The following SYN3 variants were observed in gnomAD, a reference collection of about 807,000 sequenced individuals.
SYN3 encodes synapsin-3.
SYN3 carries 35 observed loss-of-function variants against 65.8 expected under a neutral mutation model. That is an observed-to-expected ratio of 0.53 (90% CI 0.41 to 0.70). The LOEUF (loss-of-function observed/expected upper bound fraction) is 0.70. Among genes scored for constraint, SYN3 ranks in the 30% least tolerant of loss-of-function variants. The probability of loss-of-function intolerance (pLI) is 0.00; values close to 1 mark genes in which losing one functional copy is unlikely to be tolerated. For synonymous variants in SYN3, 270 were observed against 292.9 expected, an observed-to-expected ratio of 0.92 and a Z score of 0.80; for missense variants, 680 against 749.0, an observed-to-expected ratio of 0.91 and a Z score of 1.08.
chr22:32,528,794 T>C, intron 11 of SYN3, 80 bp downstream of exon 11: 1 of 1,581,378 alleles, frequency 6.3e-7, no homozygotes. Flanking sequence ...GTATCCCCTT[T>C]GGATCCAGGG....
At chr22:32,818,619 C>T (rs1050117581) in intron 6 of SYN3, among the ~76,000 whole-genome samples, 1 of 152,180 alleles carries the variant, frequency 6.6e-6, no homozygotes, top group African/African-American at 2.4e-5. Context: ...TTTGCCGCCA[C>T]CCCATTTGCT....
chr22:33,032,687 C>G (rs1487179266), intron 1 of SYN3, among the ~76,000 whole-genome samples: 2 of 151,890 alleles, frequency 1.3e-5, no homozygotes, highest in Non-Finnish European at 2.9e-5. Context: ...AGCTTACTTT[C>G]CAACCTGACT....
intron 6 of SYN3, among the ~76,000 whole-genome samples, chr22:32,614,089 A>C: frequency 6.6e-6 from 1 of 152,226 alleles, no homozygotes; most frequent in Non-Finnish European, 1.5e-5. Flanking sequence ...GTTTAAATGA[A>C]TTAACCGGCA....
chr22:33,008,772 T>A (rs1487803663), intron 1 of SYN3, among the ~76,000 whole-genome samples: 2 of 151,192 alleles, frequency 1.3e-5, no homozygotes, highest in South Asian at 2.1e-4. Context: ...ATAATTTTTT[T>A]TAAAAAGCTG....
At chr22:32,727,431 T>C (rs1226632871) in intron 6 of SYN3, among the ~76,000 whole-genome samples, 1 of 152,248 alleles carries the variant, frequency 6.6e-6, no homozygotes, top group East Asian at 1.9e-4. Flanking sequence ...CCATTGTGAA[T>C]AGTGCTTTGC....
chr22:32,648,764 G>A (rs942939750), intron 6 of SYN3, among the ~76,000 whole-genome samples: 4 of 152,194 alleles, frequency 2.6e-5, no homozygotes, highest in African/African-American at 9.7e-5. Context: ...AGTATACGCT[G>A]AGCTCAGAGC....
At chr22:32,518,782 A>C (rs748866367) in intron 12 of SYN3, among the ~76,000 whole-genome samples, 3 of 152,188 alleles carry the variant, frequency 2.0e-5, no homozygotes, top group Non-Finnish European at 4.4e-5. Context: ...TGATAGAGTG[A>C]GTCTCGGGCT....
intron 1 of SYN3, among the ~76,000 whole-genome samples, chr22:33,039,585 G>A (rs1006730098): frequency 6.6e-6 from 1 of 151,812 alleles, no homozygotes; most frequent in Non-Finnish European, 1.5e-5. Context: ...TAGTAGAAAC[G>A]GAGTTTCATC....
chr22:32,823,359 G>T (rs1405449393), intron 6 of SYN3, among the ~76,000 whole-genome samples: 2 of 152,190 alleles, frequency 1.3e-5, no homozygotes, highest in East Asian at 1.9e-4. Flanking sequence ...GGATGTTTCT[G>T]TTGGGAGCTG....
At chr22:32,762,854 G>A (rs2045521958) in intron 6 of SYN3, among the ~76,000 whole-genome samples, 1 of 138,902 alleles carries the variant, frequency 7.2e-6, no homozygotes, top group African/African-American at 2.5e-5. Context: ...ATCTCAAAGG[G>A]CTGTTGAGAG....
At chr22:32,683,402 C>G (rs2060549669) in intron 6 of SYN3, among the ~76,000 whole-genome samples, 1 of 152,142 alleles carries the variant, frequency 6.6e-6, no homozygotes, top group African/African-American at 2.4e-5. Flanking sequence ...CAGCTCCTTC[C>G]TGGTGCCATT....
At chr22:32,643,418 C>T (rs977930141) in intron 6 of SYN3, among the ~76,000 whole-genome samples, 1 of 152,064 alleles carries the variant, frequency 6.6e-6, no homozygotes, top group Middle Eastern at 3.2e-3. Context: ...GGATGTTTAT[C>T]TTCACACTTT....
chr22:32,511,109 T>G lies in SYN3; in HGVS notation c.*2583A>C, dbSNP rs984851377. 6.6e-6 allele frequency among the ~76,000 whole-genome samples: 1 copy of G among 152,120 alleles called. No individual in the cohort carries two copies. The highest frequency in any genetic ancestry group is 2.4e-5 in the African/African-American group (1 of 41,406). ...GTTAGATTTCTTTTAACAGAATAAC[T>G]TTAAAAGGTACCCACATCTGATATT... is the stretch of plus-strand genomic sequence containing the variant. On this transcript the variant is annotated 3_prime_UTR_variant, in exon 14 of 14. Coordinates refer to ENST00000358763, the MANE Select transcript of SYN3 (RefSeq NM_003490.4).
intron 6 of SYN3, among the ~76,000 whole-genome samples, chr22:32,721,667 G>T (rs1239596846): frequency 6.6e-6 from 1 of 152,202 alleles, no homozygotes; most frequent in African/African-American, 2.4e-5. Flanking sequence ...TCCCACTGGT[G>T]GTACAGTGTA....
At chr22:32,707,614 C>T (rs557328386) in intron 6 of SYN3, among the ~76,000 whole-genome samples, 2 of 152,238 alleles carry the variant, frequency 1.3e-5, no homozygotes, top group South Asian at 4.2e-4. Context: ...GGGAATAATC[C>T]ACCTCTTGAG....
intron 3 of SYN3, among the ~76,000 whole-genome samples, chr22:32,956,381 C>A (rs1004677458): frequency 6.6e-6 from 1 of 152,044 alleles, no homozygotes; most frequent in African/African-American, 2.4e-5. Flanking sequence ...GTCTCAAACT[C>A]TGACCTCAAA....
chr22:32,644,659 A>G (rs2059958717), intron 6 of SYN3, among the ~76,000 whole-genome samples: 1 of 152,130 alleles, frequency 6.6e-6, no homozygotes, highest in South Asian at 2.1e-4. Context: ...CCACCACTGG[A>G]GCAATCAGTG....
intron 7 of SYN3, among the ~76,000 whole-genome samples, chr22:32,591,446 C>A (rs2059126555): frequency 6.6e-6 from 1 of 152,098 alleles, no homozygotes; most frequent in South Asian, 2.1e-4. Flanking sequence ...CTTACTTTTC[C>A]GTTCTTGTAC....
intron 6 of SYN3, among the ~76,000 whole-genome samples, chr22:32,599,392 G>A (rs986015284): frequency 1.3e-5 from 2 of 151,710 alleles, no homozygotes; most frequent in African/African-American, 2.4e-5. Flanking sequence ...TGCGATCTCG[G>A]CTCAGTGCAA....
Sources: allele counts gnomAD v4.1 joint callset (sites outside exome capture counted in the v4.1 genomes callset), GRCh38; gene constraint gnomAD v4.1.1; transcripts MANE v1.5; gene names NCBI Gene and HGNC (gene_info 2026-07-23, HGNC 2026-07-21).